Variants in LSM11 observed in about 807,000 individuals in gnomAD.
LSM11 encodes LSM11, U7 small nuclear RNA associated, also known as U7 snRNA-associated Sm-like protein LSm11.
LSM11 carries 14 observed loss-of-function variants against 28.1 expected under a neutral mutation model. The ratio of observed to expected loss-of-function variants is 0.50; its 90% CI spans 0.33 to 0.78. The LOEUF is 0.78. LSM11 is among the 30% of genes least tolerant of loss of function. The pLI, the probability that LSM11 is intolerant of heterozygous loss-of-function variation, is 0.02. For missense variants in LSM11, 495 were observed against 510.6 expected (o/e 0.97, Z 0.30); for synonymous variants, 207 against 214.2 (o/e 0.97, Z 0.30).
chr5:157,746,779 A>G (rs1447365928), intron 1 of LSM11, among the ~76,000 whole-genome samples: 1 of 152,168 alleles, frequency 6.6e-6, no homozygotes, highest in East Asian at 1.9e-4. Flanking sequence ...GCATGGCAGC[A>G]TCTGCCTCTA....
chr5:157,755,436 C>A lies in LSM11; in HGVS notation c.*172C>A. ...AGATGAGCTCAAGGGGAGGACAGGC[C>A]TTGGGAGGGCAGGCGTTTGCATTAA... On this transcript the variant is annotated 3_prime_UTR_variant, in exon 4 of 4. Transcript: ENST00000286307. The A allele has an allele frequency of 1.5e-6, 1 of 679,256 alleles. No individual in the cohort carries two copies. The highest frequency in any genetic ancestry group is 2.4e-6 in the Non-Finnish European group (1 of 412,500). 42.1% of individuals were successfully genotyped at this position (679,256 alleles called of 1,614,324 possible).
chr5:157,747,471 A>G, intron 1 of LSM11: 1 of 222,770 alleles, frequency 4.5e-6, no homozygotes, highest in Non-Finnish European at 1.0e-5. Flanking sequence ...CTCCAGTTCC[A>G]AATTCAGTTT....
intron 1 of LSM11, among the ~76,000 whole-genome samples, chr5:157,747,188 C>A (rs1761161532): frequency 6.6e-6 from 1 of 152,204 alleles, no homozygotes; most frequent in African/African-American, 2.4e-5. Context: ...AGTATCGCAG[C>A]ACCATACCTA....
chr5:157,752,862 AAAAG>A (rs1406746117), intron 2 of LSM11, among the ~76,000 whole-genome samples: 5 of 149,418 alleles, frequency 3.3e-5, no homozygotes, highest in South Asian at 2.1e-4. Flanking sequence ...AAAAAAAAAA[AAAAG>A]AACCACCAGA....
At chr5:157,748,112 A>G (rs961174562) in intron 1 of LSM11, among the ~76,000 whole-genome samples, 2 of 152,144 alleles carry the variant, frequency 1.3e-5, no homozygotes, top group South Asian at 2.1e-4. Flanking sequence ...TGTACTTTCA[A>G]TCTGTCATGG....
intron 1 of LSM11, among the ~76,000 whole-genome samples, chr5:157,748,034 C>G (rs1204568843): frequency 1.4e-5 from 2 of 146,582 alleles, no homozygotes; most frequent in Non-Finnish European, 2.9e-5. Flanking sequence ...TGTGTTTAGG[C>G]CAGTTTGACA....
rs920382499 is a variant in LSM11 at position 157,752,750 on chromosome 5, G to A, written c.588+1221G>A. The stretch of plus-strand genomic sequence containing the variant: ...AATCCCAGCTACTCAGGAGGCTGAG[G>A]GAGGAGAATCACTTGAAGCTGGGAG... On this transcript the variant is annotated intron_variant, in intron 2 of 3. Coordinates refer to ENST00000286307, the MANE Select transcript of LSM11 (RefSeq NM_173491.4). Among the ~76,000 whole-genome samples the A allele has an allele frequency of 3.8e-4, 58 of 151,506 alleles. 1 individual carries two copies. Among genetic ancestry groups the A allele is most frequent in the South Asian group, 8.4e-4 (4 of 4,770 alleles).
At chr5:157,750,317 C>T (rs1052266639) in intron 1 of LSM11, among the ~76,000 whole-genome samples, 19 of 152,184 alleles carry the variant, frequency 1.2e-4, no homozygotes, top group African/African-American at 4.1e-4. Context: ...ATTGTGAGAG[C>T]TGAGTTAACA....
At position 157,758,219 on chromosome 5, in the gene LSM11, A is replaced by T. The variant is rs2113082455; in HGVS notation, c.*2955A>T. On this transcript the variant is annotated 3_prime_UTR_variant, in exon 4 of 4. Transcript: ENST00000286307. ...AACTTCTGCCTCCCAGGTTCAAGCG[A>T]TTCTCCTGCCTTAGCCTCCTGAGTA... is the stretch of plus-strand genomic sequence containing the variant. The T allele has an allele frequency of 6.6e-6, 1 of 152,292 alleles. No individual in the cohort carries two copies. The highest frequency in any genetic ancestry group is 1.5e-5 in the Non-Finnish European group (1 of 68,090). The allele number at this position is 152,292 out of a possible 1,614,324, so 9.4% of individuals were successfully genotyped here. A position where few individuals can be genotyped will look rare whatever the true frequency, so the allele number is the denominator to read the frequency against.
intron 2 of LSM11, 31 bp from the exon 3 acceptor site, chr5:157,753,973 T>C: frequency 1.4e-6 from 2 of 1,429,848 alleles, no homozygotes; most frequent in Non-Finnish European, 9.4e-7. Context: ...TAATTCTGTC[T>C]AATGTTTTTC....
Position 157,751,546 on chromosome 5 carries a change from C to T in LSM11, c.588+17C>T. 1 of 1,609,604 alleles carries T rather than the reference C, an allele frequency of 6.2e-7. No individual in the cohort carries two copies. Among genetic ancestry groups the T allele is most frequent in the Non-Finnish European group, 8.5e-7 (1 of 1,178,614 alleles). ...TGGAATATGGTAATTAAGCCTTTCT[C>T]AAGGGGCTGGAGAACCTCCTACAGA... is the stretch of plus-strand genomic sequence containing the variant. On this transcript the variant is annotated intron_variant, in intron 2 of 3. Transcript: ENST00000286307.
intron 1 of LSM11, 106 bp from the exon 2 acceptor site, chr5:157,751,282 ACT>A: frequency 8.0e-7 from 1 of 1,252,792 alleles, no homozygotes; most frequent in Non-Finnish European, 1.1e-6. Context: ...TGAGATTGTC[ACT>A]CTACCATGGG....
intron 1 of LSM11, among the ~76,000 whole-genome samples, chr5:157,747,997 G>C (rs1282223401): frequency 2.8e-5 from 2 of 72,250 alleles, no homozygotes; most frequent in African/African-American, 9.4e-5. Flanking sequence ...ACACTGCTGT[G>C]TGTGTGTGTG....
chr5:157,744,216 G>A lies in LSM11; in HGVS notation c.448+18G>A. ...AATGCCCTGTGAGTCCGCGGGCCGG[G>A]CGGGAAGCGGGGCAGCCGCCGTCCG... On this transcript the variant is annotated intron_variant, in intron 1 of 3. Coordinates refer to ENST00000286307, the MANE Select transcript of LSM11 (RefSeq NM_173491.4). 8.0e-7 allele frequency: 1 copy of A among 1,256,050 alleles called. No individual in the cohort carries two copies. The allele number at this position is 1,256,050 out of a possible 1,614,324, so 77.8% of individuals were successfully genotyped here.
intron 1 of LSM11, among the ~76,000 whole-genome samples, chr5:157,750,023 C>T (rs887156715): frequency 6.6e-6 from 1 of 152,160 alleles, no homozygotes; most frequent in African/African-American, 2.4e-5. Flanking sequence ...TAAGACCTGA[C>T]CAAAAATAAA....
intron 2 of LSM11, among the ~76,000 whole-genome samples, chr5:157,752,173 T>C (rs1367297411): frequency 6.6e-6 from 1 of 151,772 alleles, no homozygotes; most frequent in Non-Finnish European, 1.5e-5. Context: ...TTTTTTTTTT[T>C]TTTTTGAGAC....
chr5:157,745,022 A>G (rs560495635), intron 1 of LSM11, among the ~76,000 whole-genome samples: 15 of 152,214 alleles, frequency 9.9e-5, no homozygotes, highest in Non-Finnish European at 1.9e-4. Flanking sequence ...CTAAAGGTGT[A>G]AATGGCACAA....
chr5:157,747,578 A>G (rs999059859), intron 1 of LSM11: 1 of 224,574 alleles, frequency 4.5e-6, no homozygotes, highest in Non-Finnish European at 9.9e-6. Flanking sequence ...ACGTGATACC[A>G]TGATTGAAAA....
chr5:157,744,151 C>T lies in LSM11; in HGVS notation c.401C>T (p.Pro134Leu), dbSNP rs759288283. ...DGAAGAGRRG[P>L]GRSRKAPRNV... ...GCCGCAGGAGCGGGCCGGAGGGGTC[C>T]GGGTCGGAGCAGGAAGGCGCCACGC... is the stretch of plus-strand genomic sequence containing the variant. Residue 134 changes from proline to leucine, a missense_variant, in exon 1 of 4, where the codon CCG becomes CTG. Transcript: ENST00000286307. The T allele has an allele frequency of 4.2e-6, 6 of 1,435,360 alleles. No homozygotes were observed. Among genetic ancestry groups the T allele is most frequent in the South Asian group, 1.4e-5 (1 of 71,626 alleles). The allele number at this position is 1,435,360 out of a possible 1,614,324, so 88.9% of individuals were successfully genotyped here. A position where few individuals can be genotyped will look rare whatever the true frequency, so the allele number is the denominator to read the frequency against.
Sources: gnomAD v4.1 joint callset for allele counts (sites outside exome capture counted in the v4.1 genomes callset) on GRCh38, gnomAD v4.1.1 for gene constraint, MANE v1.5 for transcripts, NCBI Gene and HGNC (gene_info 2026-07-23, HGNC 2026-07-21) for gene names.